ZBTB20: variants seen among roughly 807,000 people sequenced by gnomAD.
ZBTB20 encodes the protein zinc finger and BTB domain containing 20.
Under a neutral mutation model 56.9 loss-of-function variants are expected in ZBTB20, and 9 were observed. That is an observed-to-expected ratio of 0.16 (90% confidence interval 0.10 to 0.28). The LOEUF is 0.28. ZBTB20 is among the 10% of genes least tolerant of loss of function. The probability of loss-of-function intolerance (pLI) is 1.00; values close to 1 mark genes in which losing one functional copy is unlikely to be tolerated. For synonymous variants in ZBTB20, 417 were observed against 420.7 expected, an observed-to-expected ratio of 0.99 and a Z score of 0.11; for missense variants, 655 against 1,003.0, an observed-to-expected ratio of 0.65 and a Z score of 4.69.
At chr3:114,431,830 G>A (rs1202719135) in intron 7 of ZBTB20, among the ~76,000 whole-genome samples, 1 of 152,172 alleles carries the variant, frequency 6.6e-6, no homozygotes, top group Non-Finnish European at 1.5e-5. Flanking sequence ...CAAATGCTGG[G>A]ATTTCAAAGA....
intron 1 of ZBTB20, among the ~76,000 whole-genome samples, chr3:115,123,856 TA>T (rs1467337681): frequency 6.6e-6 from 1 of 152,216 alleles, no homozygotes; most frequent in African/African-American, 2.4e-5. Flanking sequence ...CTGGGGTTTC[TA>T]AACTATCAAA....
At chr3:114,566,513 G>T (rs1365355004) in intron 6 of ZBTB20, among the ~76,000 whole-genome samples, 1 of 152,158 alleles carries the variant, frequency 6.6e-6, no homozygotes, top group Non-Finnish European at 1.5e-5. Context: ...ACCTTTAGAT[G>T]TGACATACCA....
intron 6 of ZBTB20, among the ~76,000 whole-genome samples, chr3:114,605,189 AT>A (rs1379154561): frequency 6.6e-6 from 1 of 152,040 alleles, no homozygotes; most frequent in Non-Finnish European, 1.5e-5. Flanking sequence ...TAATAGTATA[AT>A]TTTTTTGTAA....
chr3:115,139,863 T>C (rs979352127), intron 1 of ZBTB20, among the ~76,000 whole-genome samples: 5 of 152,066 alleles, frequency 3.3e-5, no homozygotes, highest in Admixed American at 2.0e-4. Context: ...TGTAAACTAA[T>C]AGATTTATTA....
At chr3:114,926,466 C>G (rs1375329355) in intron 3 of ZBTB20, among the ~76,000 whole-genome samples, 1 of 152,012 alleles carries the variant, frequency 6.6e-6, no homozygotes, top group African/African-American at 2.4e-5. Flanking sequence ...AAGCAAAACT[C>G]TTGTATTATT....
intron 5 of ZBTB20, among the ~76,000 whole-genome samples, chr3:114,753,067 CT>C (rs2067687921): frequency 1.3e-5 from 2 of 151,814 alleles, no homozygotes; most frequent in African/African-American, 4.8e-5. Flanking sequence ...CAAGAAGTGT[CT>C]TGAATTTACT....
chr3:115,137,171 G>A (rs1560600409), intron 1 of ZBTB20, among the ~76,000 whole-genome samples: 1 of 151,890 alleles, frequency 6.6e-6, no homozygotes, highest in Non-Finnish European at 1.5e-5. Context: ...TTCTCATAAG[G>A]AACAGTAAAG....
chr3:114,671,387 A>AC (rs1257721279), intron 6 of ZBTB20, among the ~76,000 whole-genome samples: 4 of 151,822 alleles, frequency 2.6e-5, no homozygotes, highest in Non-Finnish European at 4.4e-5. Flanking sequence ...CTTCAAGAGG[A>AC]CCCCCCAAAT....
chr3:114,445,514 A>G (rs1447287460), intron 7 of ZBTB20: 1 of 152,194 alleles, frequency 6.6e-6, no homozygotes, highest in Non-Finnish European at 1.5e-5. Context: ...ACAGCACCTC[A>G]GTGCAATGAA....
intron 2 of ZBTB20, among the ~76,000 whole-genome samples, chr3:115,059,595 T>C (rs968612607): frequency 6.6e-6 from 1 of 152,180 alleles, no homozygotes; most frequent in Admixed American, 6.5e-5. Flanking sequence ...CAGCATTCAA[T>C]AGGCTCAAGG....
chr3:114,503,288 ATTG>A (rs947979694), intron 6 of ZBTB20, among the ~76,000 whole-genome samples: 4 of 152,184 alleles, frequency 2.6e-5, no homozygotes, highest in African/African-American at 7.2e-5. Context: ...ATTGGATATA[ATTG>A]TTGTACTTAT....
At chr3:114,908,087 G>A (rs1293433634) in intron 3 of ZBTB20, among the ~76,000 whole-genome samples, 2 of 151,840 alleles carry the variant, frequency 1.3e-5, no homozygotes, top group Non-Finnish European at 2.9e-5. Context: ...AAAGGAATAG[G>A]AAAGAGTTTC....
At chr3:114,977,829 G>A (rs1276704433) in intron 2 of ZBTB20, among the ~76,000 whole-genome samples, 1 of 151,860 alleles carries the variant, frequency 6.6e-6, no homozygotes, top group African/African-American at 2.4e-5. Context: ...GGGCAACATG[G>A]TGAAACCCTG....
chr3:114,753,361 A>AG (rs372723817), intron 5 of ZBTB20, among the ~76,000 whole-genome samples: 1 of 144,890 alleles, frequency 6.9e-6, no homozygotes, highest in Non-Finnish European at 1.5e-5. Context: ...CATTATATAT[A>AG]ATGTATATAT....
chr3:114,916,704 A>G lies in ZBTB20; in HGVS notation c.-455-16362T>C, dbSNP rs182279110. Reference sequence around the variant, plus strand: ...AAGAGTTTATTCCTTCAGCACTTTAAATATGTCATGCTACTTTTTCCTGGG... The same window carrying G: ...AAGAGTTTATTCCTTCAGCACTTTAGATATGTCATGCTACTTTTTCCTGGG... On this transcript the variant is annotated intron_variant, in intron 3 of 11. Transcript: ENST00000675478. 4.4e-3 allele frequency among the ~76,000 whole-genome samples: 667 copies of G among 152,214 alleles called. 4 individuals carry two copies. The highest frequency in any genetic ancestry group is 0.015 in the African/African-American group (636 of 41,530).
At chr3:115,122,419 T>C (rs1014231946) in intron 1 of ZBTB20, among the ~76,000 whole-genome samples, 3 of 152,108 alleles carry the variant, frequency 2.0e-5, no homozygotes, top group African/African-American at 7.2e-5. Context: ...AATGTTAGCA[T>C]ATAGCTGTCT....
intron 6 of ZBTB20, among the ~76,000 whole-genome samples, chr3:114,664,766 A>T (rs935930928): frequency 2.6e-5 from 4 of 152,206 alleles, no homozygotes; most frequent in Admixed American, 1.3e-4. Context: ...CAAAGAAAAG[A>T]AAACAAAAAA....
intron 6 of ZBTB20, among the ~76,000 whole-genome samples, chr3:114,688,883 T>C (rs1038592178): frequency 3.9e-5 from 6 of 152,118 alleles, no homozygotes; most frequent in African/African-American, 1.4e-4. Flanking sequence ...AATGTTTTCA[T>C]AGAGGAGGAC....
chr3:115,078,774 G>A (rs1194119896), intron 1 of ZBTB20, among the ~76,000 whole-genome samples: 6 of 151,642 alleles, frequency 4.0e-5, no homozygotes, highest in Non-Finnish European at 8.8e-5. Flanking sequence ...TCAAGAGCTC[G>A]GCACCTTATT....
Sources: gnomAD v4.1 joint callset for allele counts (sites outside exome capture counted in the v4.1 genomes callset) on GRCh38, gnomAD v4.1.1 for gene constraint, MANE v1.5 for transcripts, NCBI Gene and HGNC (gene_info 2026-07-23, HGNC 2026-07-21) for gene names.